The following PARN variants were observed in gnomAD, a reference collection of about 807,000 sequenced individuals.
PARN encodes poly(A)-specific ribonuclease PARN.
PARN carries 71 observed loss-of-function variants against 102.8 expected under a neutral mutation model. That is an observed-to-expected ratio of 0.69 (90% CI 0.57 to 0.84). The LOEUF is 0.84. Ranked by LOEUF, PARN falls within the 40% of genes least tolerant of loss-of-function variation. The pLI, the probability that PARN is intolerant of heterozygous loss-of-function variation, is 0.00. For missense variants in PARN, 782 were observed against 760.9 expected, an observed-to-expected ratio of 1.03 and a Z score of -0.33; for synonymous variants, 261 against 252.9, an observed-to-expected ratio of 1.03 and a Z score of -0.30.
intron 18 of PARN, among the ~76,000 whole-genome samples, chr16:14,557,935 CT>C (rs1327118155): frequency 6.6e-6 from 1 of 152,156 alleles, no homozygotes; most frequent in African/African-American, 2.4e-5. Flanking sequence ...CACACTGGAA[CT>C]ATCATTATTT....
intron 18 of PARN, 112 bp from the exon 19 acceptor site, chr16:14,555,821 C>T (rs1967649770): frequency 7.8e-6 from 4 of 514,398 alleles, no homozygotes; most frequent in Non-Finnish European, 1.4e-5. Flanking sequence ...TTTATTATAT[C>T]TTTTGTAGAA....
At chr16:14,539,597 T>A (rs1966762343) in intron 21 of PARN, among the ~76,000 whole-genome samples, 1 of 152,240 alleles carries the variant, frequency 6.6e-6, no homozygotes, top group Non-Finnish European at 1.5e-5. Flanking sequence ...ATTTCCATGG[T>A]GCTTTTGATG....
intron 12 of PARN, among the ~76,000 whole-genome samples, chr16:14,594,842 C>G (rs1356968631): frequency 1.3e-5 from 2 of 152,220 alleles, no homozygotes; most frequent in Non-Finnish European, 2.9e-5. Flanking sequence ...TCTCCCAAAT[C>G]TAACAGAGAA....
intron 17 of PARN, among the ~76,000 whole-genome samples, chr16:14,581,703 T>C (rs949523710): frequency 6.6e-6 from 1 of 152,068 alleles, no homozygotes; most frequent in African/African-American, 2.4e-5. Context: ...GAGGATCACT[T>C]GAGCCCAGAA....
chr16:14,598,250 T>C (rs999357049), intron 12 of PARN, among the ~76,000 whole-genome samples: 1 of 152,168 alleles, frequency 6.6e-6, no homozygotes, highest in Non-Finnish European at 1.5e-5. Context: ...GGATCGCTAA[T>C]AAACAGGGCT....
At chr16:14,509,346 C>T (rs1055851885) in intron 21 of PARN, among the ~76,000 whole-genome samples, 5 of 152,132 alleles carry the variant, frequency 3.3e-5, no homozygotes, top group African/African-American at 1.2e-4. Context: ...GAACAAACAG[C>T]GCACTTAGGA....
chr16:14,502,848 G>A (rs1567328195), intron 21 of PARN, among the ~76,000 whole-genome samples: 1 of 152,102 alleles, frequency 6.6e-6, no homozygotes, highest in Non-Finnish European at 1.5e-5. Context: ...GAACAGCCCT[G>A]GGCTTGCAAT....
intron 21 of PARN, 101 bp downstream of exon 21, chr16:14,551,919 GA>G (rs1379295521): frequency 1.5e-6 from 1 of 672,296 alleles, no homozygotes; most frequent in Admixed American, 2.5e-5. Context: ...AGGCAGCAAT[GA>G]GTGTAAGCTG....
At chr16:14,446,259 C>T (rs1231810541) in intron 23 of PARN, among the ~76,000 whole-genome samples, 2 of 152,196 alleles carry the variant, frequency 1.3e-5, no homozygotes, top group Non-Finnish European at 2.9e-5. Flanking sequence ...GTCTGCCTTT[C>T]GGCTGTGCTT....
intron 8 of PARN, 77 bp from the exon 9 acceptor site, chr16:14,608,396 G>T: frequency 1.1e-6 from 1 of 946,576 alleles, no homozygotes; most frequent in Non-Finnish European, 1.6e-6. Context: ...TTGTTGAGAA[G>T]GATTTCGCTT....
At chr16:14,621,823 A>G (rs1193131868) in intron 5 of PARN, among the ~76,000 whole-genome samples, 1 of 150,764 alleles carries the variant, frequency 6.6e-6, no homozygotes, top group African/African-American at 2.4e-5. Context: ...AAAAAAAAAA[A>G]CCTTTGAACT....
chr16:14,573,703 G>A (rs1160411063), intron 18 of PARN, among the ~76,000 whole-genome samples: 1 of 151,882 alleles, frequency 6.6e-6, no homozygotes, highest in Non-Finnish European at 1.5e-5. Flanking sequence ...GATCTTTCCT[G>A]TACTGTTATT....
chr16:14,475,968 T>C (rs1159336164), intron 22 of PARN, among the ~76,000 whole-genome samples: 1 of 152,054 alleles, frequency 6.6e-6, no homozygotes, highest in Admixed American at 6.6e-5. Flanking sequence ...TCGCAAAGGA[T>C]TGGGGAAGGG....
chr16:14,452,318 T>C (rs941210779), intron 22 of PARN, among the ~76,000 whole-genome samples: 11 of 152,234 alleles, frequency 7.2e-5, no homozygotes, highest in African/African-American at 2.7e-4. Flanking sequence ...CTTGTTTCTA[T>C]GGAACATTTA....
intron 23 of PARN, among the ~76,000 whole-genome samples, chr16:14,436,986 G>C (rs1960734308): frequency 1.3e-5 from 2 of 152,188 alleles, no homozygotes; most frequent in Non-Finnish European, 2.9e-5. Context: ...AAACATCATG[G>C]GGGCGCGGAG....
chr16:14,490,504 GGT>G (rs1964003846), intron 21 of PARN, among the ~76,000 whole-genome samples: 1 of 152,200 alleles, frequency 6.6e-6, no homozygotes, highest in African/African-American at 2.4e-5. Flanking sequence ...GTGATAACCT[GGT>G]GTGTTACTCC....
intron 5 of PARN, among the ~76,000 whole-genome samples, chr16:14,624,657 G>A (rs543041113): frequency 3.9e-5 from 6 of 152,302 alleles, no homozygotes; most frequent in East Asian, 1.9e-4. Context: ...GGTGGCTTAC[G>A]CCTGTAACCC....
At chr16:14,572,114 C>T (rs1321026697) in intron 18 of PARN, among the ~76,000 whole-genome samples, 1 of 152,162 alleles carries the variant, frequency 6.6e-6, no homozygotes, top group Non-Finnish European at 1.5e-5. Context: ...TACACTGCTC[C>T]TCTGTATGAG....
intron 10 of PARN, among the ~76,000 whole-genome samples, chr16:14,605,839 C>T (rs894880949): frequency 6.6e-6 from 1 of 152,174 alleles, no homozygotes. Context: ...TGTCTGCCCA[C>T]GCAACATGAA....
Sources: gnomAD v4.1 joint callset for allele counts (sites outside exome capture counted in the v4.1 genomes callset) on GRCh38, gnomAD v4.1.1 for gene constraint, MANE v1.5 for transcripts, NCBI Gene and HGNC (gene_info 2026-07-23, HGNC 2026-07-21) for gene names.